Variants in SV2C observed in about 807,000 individuals in gnomAD.
The protein encoded by SV2C is solute carrier family 22 member B3.
Under a neutral mutation model 79.7 loss-of-function variants are expected in SV2C, and 49 were observed. The observed-to-expected ratio is 0.61, with a 90% CI of 0.49 to 0.78. The LOEUF (loss-of-function observed/expected upper bound fraction) is 0.78. Ranked by LOEUF, SV2C falls within the 30% of genes least tolerant of loss-of-function variation. SV2C has a pLI of 0.00. For synonymous variants in SV2C, 334 were observed against 333.2 expected (o/e 1.00, Z -0.03); for missense variants, 833 against 912.9 (o/e 0.91, Z 1.13).
the SV2C span, among the ~76,000 whole-genome samples, chr5:76,046,549 C>A: frequency 1.3e-5 from 2 of 152,168 alleles, no homozygotes; most frequent in Non-Finnish European, 2.9e-5. Context: ...AAACATGAAA[C>A]CTCAAAAAGT....
At chr5:76,308,235 C>T (rs1748275692) in intron 12 of SV2C, among the ~76,000 whole-genome samples, 1 of 152,122 alleles carries the variant, frequency 6.6e-6, no homozygotes, top group Admixed American at 6.5e-5. Context: ...CGTAGAAGTC[C>T]AGGTACTCCA....
chr5:76,117,481 A>G (rs1423862210), intron 1 of SV2C, among the ~76,000 whole-genome samples: 1 of 152,190 alleles, frequency 6.6e-6, no homozygotes, highest in Non-Finnish European at 1.5e-5. Context: ...TCTAAAGTTT[A>G]TTTGGAGGAA....
intron 4 of SV2C, among the ~76,000 whole-genome samples, chr5:76,277,015 G>A (rs1747044463): frequency 6.6e-6 from 1 of 152,142 alleles, no homozygotes; most frequent in Admixed American, 6.5e-5. Context: ...ATATCACTAG[G>A]CATTAGGGAA....
At chr5:76,288,252 C>T (rs1281731462) in intron 6 of SV2C, among the ~76,000 whole-genome samples, 4 of 152,142 alleles carry the variant, frequency 2.6e-5, no homozygotes. Context: ...TAAATAGTCC[C>T]CTGCTATCTC....
intron 2 of SV2C, among the ~76,000 whole-genome samples, chr5:76,156,334 T>TG (rs1262397241): frequency 1.3e-5 from 2 of 152,112 alleles, no homozygotes; most frequent in Non-Finnish European, 2.9e-5. Flanking sequence ...CTTCATTCTA[T>TG]GGGGGGAAGG....
intron 1 of SV2C, among the ~76,000 whole-genome samples, chr5:76,119,715 CAA>C (rs1435969908): frequency 6.6e-6 from 1 of 151,514 alleles, no homozygotes; most frequent in Admixed American, 6.6e-5. Context: ...GAAAAAAAAA[CAA>C]AAAACAAAAA....
chr5:75,936,646 A>G, the SV2C span, among the ~76,000 whole-genome samples: 1 of 152,198 alleles, frequency 6.6e-6, no homozygotes, highest in Non-Finnish European at 1.5e-5. Context: ...GACAGCCATT[A>G]TATGTTATGA....
chr5:76,007,916 G>A, the SV2C span, among the ~76,000 whole-genome samples: 1 of 152,090 alleles, frequency 6.6e-6, no homozygotes, highest in Non-Finnish European at 1.5e-5. Flanking sequence ...GATTCTGTTA[G>A]GATTTGACTG....
At chr5:75,875,311 A>G in the SV2C span, among the ~76,000 whole-genome samples, 1 of 152,194 alleles carries the variant, frequency 6.6e-6, no homozygotes, top group African/African-American at 2.4e-5. Flanking sequence ...AACAAAGCTG[A>G]CAAAAACAAG....
chr5:75,898,876 C>G, the SV2C span, among the ~76,000 whole-genome samples: 1 of 152,188 alleles, frequency 6.6e-6, no homozygotes, highest in African/African-American at 2.4e-5. Context: ...GTAGTATTCT[C>G]TGATGGTAGT....
intron 2 of SV2C, among the ~76,000 whole-genome samples, chr5:76,183,030 A>ATCTTTTTT (rs58317002): frequency 9.8e-6 from 1 of 102,072 alleles, no homozygotes; most frequent in Non-Finnish European, 1.8e-5. Flanking sequence ...AGAACCTACC[A>ATCTTTTTT]TTTTTTTTTT....
intron 12 of SV2C, among the ~76,000 whole-genome samples, chr5:76,324,755 C>T (rs1748937060): frequency 6.6e-6 from 1 of 151,766 alleles, no homozygotes; most frequent in South Asian, 2.1e-4. Context: ...ACTCAGGAGG[C>T]TGAGGTAGGA....
the SV2C span, among the ~76,000 whole-genome samples, chr5:76,029,870 G>A: frequency 3.9e-5 from 6 of 152,178 alleles, no homozygotes; most frequent in African/African-American, 1.2e-4. Context: ...GCATCTTTTA[G>A]TAAGAGCTCT....
At chr5:75,983,061 C>T in the SV2C span, among the ~76,000 whole-genome samples, 2 of 152,026 alleles carry the variant, frequency 1.3e-5, no homozygotes, top group African/African-American at 2.4e-5. Context: ...GTACAACAAA[C>T]CCTCATGATA....
At chr5:76,008,005 T>C in the SV2C span, among the ~76,000 whole-genome samples, 2 of 152,104 alleles carry the variant, frequency 1.3e-5, no homozygotes, top group African/African-American at 4.8e-5. Context: ...TGGCAACAGG[T>C]GCTGTCCTTT....
At chr5:76,134,029 A>G (rs951818228) in intron 2 of SV2C, among the ~76,000 whole-genome samples, 4 of 152,168 alleles carry the variant, frequency 2.6e-5, no homozygotes, top group African/African-American at 9.7e-5. Flanking sequence ...AACTTGCCCT[A>G]TGCCTTTATC....
At position 76,327,436 on chromosome 5, in the gene SV2C, T is replaced by C. The variant is rs1749046663; in HGVS notation, c.*1889T>C. 1.3e-5 allele frequency: 2 copies of C among 152,282 alleles called. No individual in the cohort carries two copies. Among genetic ancestry groups the C allele is most frequent in the South Asian group, 4.1e-4 (2 of 4,826 alleles). 9.4% of individuals were successfully genotyped at this position (152,282 alleles called of 1,614,324 possible). A position where few individuals can be genotyped will look rare whatever the true frequency, so the allele number is the denominator to read the frequency against. ...AACCGCACAGGGAAAGAAACAACTT[T>C]CTCTCACTTCTGCCTCCTATCATTT... is the stretch of plus-strand genomic sequence containing the variant. On this transcript the variant is annotated 3_prime_UTR_variant, in exon 13 of 13. Coordinates refer to ENST00000502798, the MANE Select transcript of SV2C (RefSeq NM_014979.4).
At chr5:76,160,142 C>T (rs1431937299) in intron 2 of SV2C, among the ~76,000 whole-genome samples, 1 of 152,090 alleles carries the variant, frequency 6.6e-6, no homozygotes, top group Non-Finnish European at 1.5e-5. Flanking sequence ...AATGAATCTA[C>T]AGATTTAATG....
intron 2 of SV2C, among the ~76,000 whole-genome samples, chr5:76,176,051 GCCAGGCCC>G (rs1235171137): frequency 9.8e-5 from 15 of 152,298 alleles, no homozygotes; most frequent in African/African-American, 3.6e-4. Context: ...TGAGGCTCCA[GCCAGGCCC>G]CCAGGAGCAA....
Sources: gnomAD v4.1 joint callset for allele counts (sites outside exome capture counted in the v4.1 genomes callset) on GRCh38, gnomAD v4.1.1 for gene constraint, MANE v1.5 for transcripts, NCBI Gene and HGNC (gene_info 2026-07-23, HGNC 2026-07-21) for gene names.